Variants in TRAP1 observed in about 807,000 individuals in gnomAD.
TRAP1 encodes the protein TNF receptor associated protein 1, also known as heat shock protein 75 kDa, mitochondrial.
A neutral mutation model predicts 89.1 loss-of-function variants in TRAP1; 102 were observed. The observed-to-expected ratio is 1.15, with a 90% confidence interval of 0.98 to 1.35. The LOEUF is 1.35. Ranked by LOEUF, TRAP1 falls within the 40% of genes most tolerant of loss-of-function variation. The probability of loss-of-function intolerance (pLI) is 0.00; values close to 1 mark genes in which losing one functional copy is unlikely to be tolerated. For synonymous variants in TRAP1, 508 were observed against 388.0 expected (o/e 1.31, Z -3.64); for missense variants, 1,256 against 945.3 (o/e 1.33, Z -4.31).
intron 1 of TRAP1, among the ~76,000 whole-genome samples, chr16:3,715,738 G>A (rs930199800): frequency 3.3e-5 from 5 of 152,100 alleles, no homozygotes; most frequent in Non-Finnish European, 5.9e-5. Flanking sequence ...CTTGAGGTCA[G>A]GCACTGGAGA....
intron 5 of TRAP1, chr16:3,678,591 G>C (rs890824337): frequency 6.6e-6 from 1 of 152,338 alleles, no homozygotes; most frequent in African/African-American, 2.4e-5. Context: ...AGCCTCCCGA[G>C]TAGCTGGGAT....
At chr16:3,673,593 A>T (rs1214914098) in intron 9 of TRAP1, among the ~76,000 whole-genome samples, 1 of 152,032 alleles carries the variant, frequency 6.6e-6, no homozygotes, top group Non-Finnish European at 1.5e-5. Flanking sequence ...ATCTTATTAA[A>T]ATGTGGGCTC....
chr16:3,702,263 T>G (rs1472595570), intron 1 of TRAP1, among the ~76,000 whole-genome samples: 2 of 151,646 alleles, frequency 1.3e-5, no homozygotes, highest in African/African-American at 4.9e-5. Flanking sequence ...GCCCAATGAC[T>G]AGACTAAGTG....
At chr16:3,708,152 C>T (rs999943944) in intron 1 of TRAP1, among the ~76,000 whole-genome samples, 2 of 151,896 alleles carry the variant, frequency 1.3e-5, no homozygotes, top group Non-Finnish European at 2.9e-5. Flanking sequence ...GAGCCAGGAT[C>T]GCACAACTGC....
intron 1 of TRAP1, among the ~76,000 whole-genome samples, chr16:3,707,941 T>C (rs753946531): frequency 6.6e-6 from 1 of 151,732 alleles, no homozygotes; most frequent in East Asian, 1.9e-4. Flanking sequence ...TCCCAGTACT[T>C]TGGCAGGCAG....
intron 4 of TRAP1, among the ~76,000 whole-genome samples, chr16:3,684,435 C>A (rs1339149203): frequency 1.3e-5 from 2 of 152,228 alleles, no homozygotes; most frequent in East Asian, 3.9e-4. Flanking sequence ...TCTGAGACCC[C>A]ACAAGAAAGC....
intron 15 of TRAP1, 146 bp from the exon 16 acceptor site, chr16:3,662,278 C>T (rs2043125829): frequency 5.3e-6 from 5 of 952,204 alleles, no homozygotes; most frequent in Non-Finnish European, 6.1e-6. Context: ...GCTCCCTCCC[C>T]ATTACCCACT....
At chr16:3,689,162 C>T (rs2051178196) in intron 2 of TRAP1, 25 bp from the exon 3 acceptor site, 1 of 1,593,376 alleles carries the variant, frequency 6.3e-7, no homozygotes. Context: ...CAGACACAAC[C>T]AACAAAGTTT....
chr16:3,690,395 C>G (rs1037521692), intron 2 of TRAP1, among the ~76,000 whole-genome samples: 9 of 152,184 alleles, frequency 5.9e-5, no homozygotes, highest in Non-Finnish European at 1.3e-4. Context: ...TTCAAAGATT[C>G]TACTCTTGTC....
intron 11 of TRAP1, among the ~76,000 whole-genome samples, chr16:3,670,888 G>A (rs1343546087): frequency 6.6e-6 from 1 of 152,018 alleles, no homozygotes; most frequent in Non-Finnish European, 1.5e-5. Context: ...GCTCCTGCCC[G>A]CGGCACAGGA....
intron 1 of TRAP1, among the ~76,000 whole-genome samples, chr16:3,709,646 CCTTT>C (rs1490367430): frequency 6.7e-6 from 1 of 149,058 alleles, no homozygotes; most frequent in Admixed American, 6.6e-5. Context: ...CCTTTGTTTC[CCTTT>C]TTTTTGTGTG....
At position 3,663,377 on chromosome 16, in the gene TRAP1, C is replaced by T. The variant is rs779238223; in HGVS notation, c.1708+47G>A. On this transcript the variant is annotated intron_variant, in intron 14 of 17. Transcript: ENST00000246957. ...CTCGCTGCGGGGCAGGAGAGGCGTG[C>T]GGGGAGTGGAAACCAGCCCCACGCC... The T allele has an allele frequency of 5.6e-6, 9 of 1,610,140 alleles. No homozygotes were observed. In the East Asian group the frequency reaches 6.7e-5, roughly 12 times the overall value.
At chr16:3,674,726 G>A (rs898430949) in intron 8 of TRAP1, 1 of 563,144 alleles carries the variant, frequency 1.8e-6, no homozygotes, top group South Asian at 2.1e-5. Flanking sequence ...ATGTCAGGAG[G>A]ACCAGCCGGG....
intron 1 of TRAP1, among the ~76,000 whole-genome samples, chr16:3,704,883 A>G (rs1216957027): frequency 6.6e-6 from 1 of 151,968 alleles, no homozygotes; most frequent in Non-Finnish European, 1.5e-5. Flanking sequence ...GTCACTTATT[A>G]AGTCAAAATG....
chr16:3,672,952 T>G, intron 9 of TRAP1, 132 bp from the exon 10 acceptor site: 1 of 1,355,556 alleles, frequency 7.4e-7, no homozygotes. Context: ...CTGCTCTGAG[T>G]TGAAGCCCAG....
At chr16:3,695,542 A>AG (rs1263525760) in intron 1 of TRAP1, among the ~76,000 whole-genome samples, 1 of 151,684 alleles carries the variant, frequency 6.6e-6, no homozygotes, top group East Asian at 1.9e-4. Flanking sequence ...TCTCGAAAAA[A>AG]AAAAAAAAAG....
chr16:3,697,694 T>G (rs1295584123), intron 1 of TRAP1, among the ~76,000 whole-genome samples: 4 of 151,832 alleles, frequency 2.6e-5, no homozygotes, highest in African/African-American at 9.7e-5. Flanking sequence ...ATTAGTCTTT[T>G]GGTTGTAAAA....
At chr16:3,662,856 G>A (rs778881463) in intron 15 of TRAP1, 26 bp downstream of exon 15, 5 of 1,611,870 alleles carry the variant, frequency 3.1e-6, no homozygotes, top group Non-Finnish European at 4.2e-6. Context: ...CGGCCAAGTG[G>A]TGGTCCATCC....
intron 1 of TRAP1, among the ~76,000 whole-genome samples, chr16:3,693,923 G>T (rs981566480): frequency 1.3e-5 from 2 of 151,288 alleles, no homozygotes; most frequent in Non-Finnish European, 2.9e-5. Context: ...AGCCCAGGAT[G>T]TTGAGGCTGT....
Sources: allele counts gnomAD v4.1 joint callset (sites outside exome capture counted in the v4.1 genomes callset), GRCh38; gene constraint gnomAD v4.1.1; transcripts MANE v1.5; gene names NCBI Gene and HGNC (gene_info 2026-07-23, HGNC 2026-07-21).